The following TRAPPC8 variants were observed in gnomAD, a reference collection of about 807,000 sequenced individuals.
TRAPPC8 encodes trafficking protein particle complex subunit 8, also known as general sporulation gene 1 homolog.
A neutral mutation model predicts 174.3 loss-of-function variants in TRAPPC8; 54 were observed. That is an observed-to-expected ratio of 0.31 (90% confidence interval 0.25 to 0.39). The LOEUF (loss-of-function observed/expected upper bound fraction) is 0.39. TRAPPC8 is among the 10% of genes least tolerant of loss of function. TRAPPC8 has a pLI of 1.00. For missense variants in TRAPPC8, 1,531 were observed against 1,699.1 expected, an observed-to-expected ratio of 0.90 and a Z score of 1.74; for synonymous variants, 630 against 579.9, an observed-to-expected ratio of 1.09 and a Z score of -1.24.
intron 22 of TRAPPC8, 137 bp from the exon 23 acceptor site, chr18:31,852,800 G>GT: frequency 1.3e-6 from 1 of 747,408 alleles, no homozygotes; most frequent in South Asian, 1.8e-5. Context: ...GAACATCTTT[G>GT]TTTTTATCTC....
Position 31,830,493 on chromosome 18 carries a change from C to T in TRAPPC8, c.*262G>A, listed in dbSNP as rs2032293986. 2.6e-6 allele frequency: 1 copy of T among 391,438 alleles called. No individual in the cohort carries two copies. Among genetic ancestry groups the T allele is most frequent in the Admixed American group, 4.3e-5 (1 of 23,154 alleles). The allele number at this position is 391,438 out of a possible 1,614,324, so 24.2% of individuals were successfully genotyped here. A position where few individuals can be genotyped will look rare whatever the true frequency, so the allele number is the denominator to read the frequency against. ...GACTTTGTGTTTTCTTAAGATGGGG[C>T]TTAATAAGGTGCACAAATATGCTGA... On this transcript the variant is annotated 3_prime_UTR_variant, in exon 29 of 29. Transcript: ENST00000283351.
chr18:31,883,937 C>T (rs2035581298), intron 12 of TRAPPC8, among the ~76,000 whole-genome samples: 2 of 152,276 alleles, frequency 1.3e-5, no homozygotes, highest in Middle Eastern at 6.8e-3. Context: ...ACCTGTAATC[C>T]TAGCACTTTG....
intron 27 of TRAPPC8, among the ~76,000 whole-genome samples, chr18:31,837,461 C>T (rs2032817580): frequency 6.6e-6 from 1 of 152,136 alleles, no homozygotes; most frequent in Admixed American, 6.5e-5. Context: ...CTTTGGGAGG[C>T]CGAGGCAATC....
At chr18:31,839,486 A>C in intron 26 of TRAPPC8, 29 bp from the exon 27 acceptor site, 2 of 1,563,004 alleles carry the variant, frequency 1.3e-6, no homozygotes, top group Non-Finnish European at 8.6e-7. Flanking sequence ...AACATATGAC[A>C]ATAAAAACAC....
intron 17 of TRAPPC8, 126 bp from the exon 18 acceptor site, chr18:31,867,101 T>G: frequency 1.0e-6 from 1 of 1,000,044 alleles, no homozygotes; most frequent in Non-Finnish European, 1.4e-6. Flanking sequence ...AATTAATTTA[T>G]GAAAAGCATC....
chr18:31,890,583 AT>A (rs1362102495), intron 12 of TRAPPC8, 151 bp downstream of exon 12: 3 of 689,408 alleles, frequency 4.4e-6, no homozygotes, highest in East Asian at 8.8e-5. Flanking sequence ...TTATAGCCAG[AT>A]TTGTCTAAAT....
Position 31,871,065 on chromosome 18 carries a change from G to C in TRAPPC8, c.2118C>G (p.Ser706=). The change falls in exon 15 of 29, where the codon TCC becomes TCG. Residue 706 remains serine, a synonymous_variant. Transcript: ENST00000283351. Reference sequence around the variant, plus strand: ...CCTCAAGTTCTCGCCACTGCTGAGAGGATTCAGAATCATATTCTTGATCAA... The same window carrying C: ...CCTCAAGTTCTCGCCACTGCTGAGACGATTCAGAATCATATTCTTGATCAA... ...VSLDQEYDSE[S]SQQWRELEEQ... 1 of 1,606,196 alleles carries C rather than the reference G, an allele frequency of 6.2e-7. No homozygotes were observed. Among genetic ancestry groups the C allele is most frequent in the Non-Finnish European group, 8.5e-7 (1 of 1,175,400 alleles).
chr18:31,839,459 TGAGAA>T lies in TRAPPC8; in HGVS notation c.3838-7_3838-3del. ...CAATAGTTCCATTTCTGGTGGCTCC[TGAGAA>T]AAGAAAGAAAAAACATATGACAATA... On this transcript the variant is annotated splice_region_variant and splice_polypyrimidine_tract_variant and intron_variant, in intron 26 of 28. Transcript: ENST00000283351. 6.3e-7 allele frequency: 1 copy of T among 1,576,232 alleles called. No individual in the cohort carries two copies. Among genetic ancestry groups the T allele is most frequent in the Non-Finnish European group, 8.6e-7 (1 of 1,168,302 alleles).
At chr18:31,869,111 T>A (rs1047014245) in intron 16 of TRAPPC8, among the ~76,000 whole-genome samples, 1 of 152,052 alleles carries the variant, frequency 6.6e-6, no homozygotes, top group African/African-American at 2.4e-5. Flanking sequence ...AGTAAATATA[T>A]CTATTTGTCC....
intron 12 of TRAPPC8, among the ~76,000 whole-genome samples, chr18:31,878,265 A>G (rs1189576207): frequency 6.6e-6 from 1 of 152,184 alleles, no homozygotes; most frequent in Non-Finnish European, 1.5e-5. Context: ...TATAAAGTAA[A>G]TATTATCAGA....
chr18:31,847,318 T>C (rs1273868423), intron 25 of TRAPPC8, among the ~76,000 whole-genome samples: 2 of 152,198 alleles, frequency 1.3e-5, no homozygotes, highest in Middle Eastern at 3.2e-3. Flanking sequence ...TCTTCCAATA[T>C]AGTGAGCTGA....
At chr18:31,861,655 T>C (rs2034326917) in intron 19 of TRAPPC8, among the ~76,000 whole-genome samples, 1 of 152,054 alleles carries the variant, frequency 6.6e-6, no homozygotes, top group Non-Finnish European at 1.5e-5. Context: ...AAATCATAGG[T>C]GCTGGGCACG....
chr18:31,831,874 TTTG>T (rs1002078914), intron 28 of TRAPPC8, among the ~76,000 whole-genome samples: 1 of 152,152 alleles, frequency 6.6e-6, no homozygotes, highest in African/African-American at 2.4e-5. Flanking sequence ...TGGATTTTTT[TTTG>T]TTGTTAAGTA....
intron 11 of TRAPPC8, among the ~76,000 whole-genome samples, chr18:31,891,880 T>G (rs761907326): frequency 6.6e-6 from 1 of 152,226 alleles, no homozygotes; most frequent in Non-Finnish European, 1.5e-5. Context: ...TGAAACAGAC[T>G]CGAGGAAATC....
chr18:31,836,758 C>CT (rs68104803), intron 27 of TRAPPC8, among the ~76,000 whole-genome samples: 1,661 of 89,796 alleles, frequency 0.018, 71 homozygotes, highest in African/African-American at 0.051. Context: ...ATCTTTCAGT[C>CT]TTTTTTTTTT....
intron 1 of TRAPPC8, among the ~76,000 whole-genome samples, chr18:31,932,793 C>T (rs2145634944): frequency 6.6e-6 from 1 of 151,636 alleles, no homozygotes; most frequent in African/African-American, 2.4e-5. Context: ...ACCAGCCTGG[C>T]CAACATAGTG....
At chr18:31,865,307 C>T (rs2145161658) in intron 18 of TRAPPC8, among the ~76,000 whole-genome samples, 1 of 152,122 alleles carries the variant, frequency 6.6e-6, no homozygotes, top group African/African-American at 2.4e-5. Flanking sequence ...CAAAATTAAA[C>T]TTGTTTAATA....
At chr18:31,881,578 C>T (rs72930222) in intron 12 of TRAPPC8, among the ~76,000 whole-genome samples, 38,133 of 151,956 alleles carry the variant, frequency 0.25, 5,341 homozygotes, top group South Asian at 0.52. Context: ...TTCTGGACAT[C>T]ACCCTTGGCA....
intron 9 of TRAPPC8, among the ~76,000 whole-genome samples, chr18:31,905,561 T>A (rs892282511): frequency 6.6e-6 from 1 of 152,192 alleles, no homozygotes; most frequent in Non-Finnish European, 1.5e-5. Flanking sequence ...TTCCCTGAGG[T>A]ATCCTCAGCC....
Sources: gnomAD v4.1 joint callset for allele counts (sites outside exome capture counted in the v4.1 genomes callset) on GRCh38, gnomAD v4.1.1 for gene constraint, MANE v1.5 for transcripts, NCBI Gene and HGNC (gene_info 2026-07-23, HGNC 2026-07-21) for gene names.